The following ENTPD6 variants were observed in gnomAD, a reference collection of about 807,000 sequenced individuals.
ENTPD6 encodes the protein ectonucleoside triphosphate diphosphohydrolase 6.
ENTPD6 carries 46 observed loss-of-function variants against 61.5 expected under a neutral mutation model. The observed-to-expected ratio is 0.75, with a 90% CI of 0.59 to 0.96. The LOEUF (loss-of-function observed/expected upper bound fraction) is 0.96. Ranked by LOEUF, ENTPD6 falls within the 40% of genes least tolerant of loss-of-function variation. ENTPD6 has a pLI of 0.00. For missense variants in ENTPD6, 612 were observed against 629.0 expected, an observed-to-expected ratio of 0.97 and a Z score of 0.29; for synonymous variants, 252 against 255.5, an observed-to-expected ratio of 0.99 and a Z score of 0.13.
At chr20:25,210,063 G>A (rs557018811) in intron 4 of ENTPD6, 138 bp downstream of exon 4, 8 of 825,414 alleles carry the variant, frequency 9.7e-6, no homozygotes, top group Admixed American at 2.0e-5. Context: ...TGCCATTTGG[G>A]ATGGTCAGAA....
chr20:25,221,520 C>A, intron 11 of ENTPD6, 187 bp downstream of exon 11: 2 of 665,156 alleles, frequency 3.0e-6, no homozygotes, highest in Admixed American at 2.2e-5. Flanking sequence ...TGAGAGCCAG[C>A]TCCTTCCCTC....
In ENTPD6 at chr20:25,223,248, C is replaced by T. The variant is rs573057215; in HGVS notation, c.1186+270C>T. ...GCAGGTCCTGCCTTGCACTGGCCCA[C>T]GTTGTCTCAGACTCAGCCACTCTGC... On this transcript the variant is annotated intron_variant, in intron 12 of 14. Coordinates refer to ENST00000376652, the MANE Select transcript of ENTPD6 (RefSeq NM_001247.5). Among the ~76,000 whole-genome samples the T allele has an allele frequency of 9.9e-5, 15 of 152,280 alleles. No individual in the cohort carries two copies. The South Asian group carries it at 2.5e-3, about 25-fold the overall frequency.
At chr20:25,204,804 G>A (rs1422662138) in intron 1 of ENTPD6, among the ~76,000 whole-genome samples, 1 of 152,136 alleles carries the variant, frequency 6.6e-6, no homozygotes, top group African/African-American at 2.4e-5. Flanking sequence ...TGCTGGGGAG[G>A]CCTGGGGCAG....
At chr20:25,215,338 A>G (rs1430265758) in intron 6 of ENTPD6, among the ~76,000 whole-genome samples, 3 of 152,234 alleles carry the variant, frequency 2.0e-5, no homozygotes, top group African/African-American at 7.2e-5. Context: ...GGTCTTCAGT[A>G]TGACCTTGAG....
At chr20:25,218,464 C>T (rs2092462569) in intron 9 of ENTPD6, 86 bp from the exon 10 acceptor site, 2 of 1,267,592 alleles carry the variant, frequency 1.6e-6, no homozygotes, top group Non-Finnish European at 2.2e-6. Flanking sequence ...CTCCCCCTTC[C>T]CCACTCGGGC....
chr20:25,202,398 C>T (rs2091115751), intron 1 of ENTPD6, among the ~76,000 whole-genome samples: 1 of 152,140 alleles, frequency 6.6e-6, no homozygotes, highest in Non-Finnish European at 1.5e-5. Flanking sequence ...AGTAATTACT[C>T]ATAGGGAAGG....
At chr20:25,225,406 G>A in intron 14 of ENTPD6, 89 bp downstream of exon 14, 1 of 1,584,176 alleles carries the variant, frequency 6.3e-7, no homozygotes, top group Non-Finnish European at 8.6e-7. Flanking sequence ...ATGTCCCCCA[G>A]CCCATCCCTG....
At chr20:25,213,686 A>C (rs1268883653) in intron 5 of ENTPD6, among the ~76,000 whole-genome samples, 1 of 152,230 alleles carries the variant, frequency 6.6e-6, no homozygotes, top group Non-Finnish European at 1.5e-5. Context: ...ATGGTGGCTC[A>C]TGCCTGTACT....
intron 13 of ENTPD6, 107 bp from the exon 14 acceptor site, chr20:25,225,098 T>C (rs2092758721): frequency 1.3e-6 from 2 of 1,486,196 alleles, no homozygotes; most frequent in Non-Finnish European, 1.8e-6. Context: ...GAATCCGGAG[T>C]GCGGAGCCAG....
intron 7 of ENTPD6, among the ~76,000 whole-genome samples, chr20:25,215,977 A>G (rs1029143755): frequency 4.6e-5 from 7 of 152,152 alleles, no homozygotes; most frequent in South Asian, 2.1e-4. Flanking sequence ...CCTGCAGAAC[A>G]TCCACCAGGA....
At position 25,225,859 on chromosome 20, in the gene ENTPD6, A is replaced by G; in HGVS notation, c.*262A>G. The G allele has an allele frequency of 2.3e-6, 1 of 438,586 alleles. No homozygotes were observed. The highest frequency in any genetic ancestry group is 4.1e-6 in the Non-Finnish European group (1 of 244,414). The allele number at this position is 438,586 out of a possible 1,614,324, so 27.2% of individuals were successfully genotyped here. A position where few individuals can be genotyped will look rare whatever the true frequency, so the allele number is the denominator to read the frequency against. Reference sequence around the variant, plus strand: ...CTCCAAGTGGGCAGGACCAGGACAGAACCACAGGCACACACTGAGGGGGCA... The same window carrying G: ...CTCCAAGTGGGCAGGACCAGGACAGGACCACAGGCACACACTGAGGGGGCA... On this transcript the variant is annotated 3_prime_UTR_variant, in exon 15 of 15. Coordinates refer to ENST00000376652, the MANE Select transcript of ENTPD6 (RefSeq NM_001247.5).
intron 7 of ENTPD6, 46 bp from the exon 8 acceptor site, chr20:25,216,602 C>G (rs139758745): frequency 1.4e-6 from 2 of 1,448,602 alleles, no homozygotes; most frequent in East Asian, 2.4e-5. Flanking sequence ...GCTGTTCTCG[C>G]GATCTTACTA....
At position 25,225,221 on chromosome 20, in the gene ENTPD6, G is replaced by A. The variant is rs372075216; in HGVS notation, c.1260G>A (p.Glu420=). 7.4e-6 allele frequency: 12 copies of A among 1,613,236 alleles called. No homozygotes were observed. The highest frequency in any genetic ancestry group is 1.3e-5 in the African/African-American group (1 of 75,006). Residue 420 remains glutamate (E), a synonymous_variant, in exon 14 of 15, where the codon GAG becomes GAA. Coordinates refer to ENST00000376652, the MANE Select transcript of ENTPD6 (RefSeq NM_001247.5). ...CATCCCCAGTGTGTCGGACCCTGGAGACACAGCCGCAGAGCAGCCCCTTCT... is the reference window on the plus strand; with the variant it reads ...CATCCCCAGTGTGTCGGACCCTGGAAACACAGCCGCAGAGCAGCCCCTTCT... ...IAAKYVCRTL[E]TQPQSSPFSC... is the part of the protein sequence containing the mutation.
intron 9 of ENTPD6, among the ~76,000 whole-genome samples, chr20:25,218,049 A>T (rs146369864): frequency 6.8e-6 from 1 of 146,486 alleles, no homozygotes; most frequent in African/African-American, 2.6e-5. Context: ...ACATTCACCC[A>T]GACCTCTCTC....
intron 1 of ENTPD6, among the ~76,000 whole-genome samples, chr20:25,204,503 A>G (rs1381228801): frequency 6.6e-6 from 1 of 151,962 alleles, no homozygotes; most frequent in African/African-American, 2.4e-5. Flanking sequence ...ACTTTCTCAA[A>G]GTCTCCCCCA....
At chr20:25,221,365 G>A (rs1286106573) in intron 11 of ENTPD6, 32 bp downstream of exon 11, 1 of 1,548,676 alleles carries the variant, frequency 6.5e-7, no homozygotes. Flanking sequence ...GTTGGTTTCT[G>A]CGGGTGAGAG....
chr20:25,224,512 C>T (rs775965195), intron 13 of ENTPD6: 1 of 179,950 alleles, frequency 5.6e-6, no homozygotes, highest in Non-Finnish European at 1.2e-5. Flanking sequence ...TCCCCGGGGT[C>T]GCAGGTGACC....
chr20:25,219,383 A>G (rs1240095225), intron 10 of ENTPD6, among the ~76,000 whole-genome samples: 2 of 152,222 alleles, frequency 1.3e-5, no homozygotes, highest in Non-Finnish European at 2.9e-5. Context: ...TCTCTCGCTC[A>G]TGATTCCAGC....
intron 5 of ENTPD6, 154 bp from the exon 6 acceptor site, chr20:25,214,713 A>T: frequency 1.6e-6 from 1 of 623,082 alleles, no homozygotes; most frequent in Non-Finnish European, 2.9e-6. Context: ...GTCTGAGTGC[A>T]GTGGTATTTA....
Sources: allele counts gnomAD v4.1 joint callset (sites outside exome capture counted in the v4.1 genomes callset), GRCh38; gene constraint gnomAD v4.1.1; transcripts MANE v1.5; gene names NCBI Gene and HGNC (gene_info 2026-07-23, HGNC 2026-07-21).